CUX1: variants seen among roughly 807,000 people sequenced by gnomAD.
CUX1 encodes protein CASP.
In CUX1, 31 loss-of-function variants were observed where a neutral mutation model predicts 158.8. The observed-to-expected ratio is 0.20, with a 90% CI of 0.15 to 0.26. CUX1 has a LOEUF of 0.26. CUX1 is among the 10% of genes least tolerant of loss of function. The pLI is 1.00. For synonymous variants in CUX1, 879 were observed against 862.1 expected (o/e 1.02, Z -0.34); for missense variants, 1,589 against 2,014.6 (o/e 0.79, Z 4.04).
intron 19 of CUX1, among the ~76,000 whole-genome samples, chr7:102,280,347 A>G (rs1302222977): frequency 6.6e-6 from 1 of 152,144 alleles, no homozygotes; most frequent in Non-Finnish European, 1.5e-5. Flanking sequence ...CTTCAGTGCA[A>G]TGTAGGCCCA....
intron 1 of CUX1, among the ~76,000 whole-genome samples, chr7:101,886,305 T>C (rs1215157060): frequency 6.6e-6 from 1 of 152,148 alleles, no homozygotes; most frequent in East Asian, 1.9e-4. Flanking sequence ...GTGATCTTCC[T>C]ACCCCAGCCT....
In CUX1 at chr7:102,068,686, C is replaced by T. The variant is rs116037422; in HGVS notation, c.190-1653C>T. On this transcript the variant is annotated intron_variant, in intron 3 of 23. Coordinates refer to ENST00000292535, the MANE Select transcript of CUX1 (RefSeq NM_181552.4). ...TCAGGTGAGAGGCCCTGTAATTAAA[C>T]CGCATCCTTTGCCTCTGTAATAACA... 3.6e-3 allele frequency among the ~76,000 whole-genome samples: 549 copies of T among 152,302 alleles called. 3 individuals carry two copies. Among genetic ancestry groups the T allele is most frequent in the African/African-American group, 0.012 (487 of 41,570 alleles).
At chr7:101,941,989 A>G (rs1387582730) in intron 2 of CUX1, among the ~76,000 whole-genome samples, 1 of 152,154 alleles carries the variant, frequency 6.6e-6, no homozygotes, top group African/African-American at 2.4e-5. Flanking sequence ...TGAAACTGCA[A>G]CGTTATCAAA....
chr7:102,217,615 GCGA>G (rs1797370724), intron 20 of CUX1, among the ~76,000 whole-genome samples: 1 of 150,814 alleles, frequency 6.6e-6, no homozygotes. Context: ...CTGGATGGAT[GCGA>G]TGGTGTCTAG....
chr7:102,058,182 T>A (rs1371665119), intron 3 of CUX1, among the ~76,000 whole-genome samples: 8 of 152,246 alleles, frequency 5.3e-5, no homozygotes, highest in Admixed American at 3.9e-4. Flanking sequence ...ACATACTTAA[T>A]AGACTATGAT....
intron 8 of CUX1, among the ~76,000 whole-genome samples, chr7:102,136,368 G>A (rs1346101262): frequency 6.6e-6 from 1 of 150,652 alleles, no homozygotes; most frequent in Non-Finnish European, 1.5e-5. Flanking sequence ...TATTTTTTCT[G>A]TATGCATCTC....
At chr7:102,036,577 A>G (rs1281433597) in intron 3 of CUX1, among the ~76,000 whole-genome samples, 7 of 152,124 alleles carry the variant, frequency 4.6e-5, no homozygotes, top group African/African-American at 9.6e-5. Flanking sequence ...CTTCGTCTCT[A>G]CTAAAAATAC....
chr7:101,846,414 G>A (rs145229967), intron 1 of CUX1, among the ~76,000 whole-genome samples: 348 of 152,196 alleles, frequency 2.3e-3, no homozygotes, highest in Non-Finnish European at 3.7e-3. Flanking sequence ...GACCTCCTGG[G>A]ATCAAGCGAT....
Position 102,216,514 on chromosome 7 carries a change from G to GCGCA in CUX1, c.3131-10852_3131-10851insGCAC, listed in dbSNP as rs1554524561. Among the ~76,000 whole-genome samples, 187 of 101,938 alleles carry GCGCA rather than the reference G, an allele frequency of 1.8e-3. 1 individual carries two copies. Among genetic ancestry groups the GCGCA allele is most frequent in the African/African-American group, 6.5e-3 (181 of 27,752 alleles). The allele number at this position is 101,938 out of a possible 152,430, so 66.9% of individuals were successfully genotyped here. A position where few individuals can be genotyped will look rare whatever the true frequency, so the allele number is the denominator to read the frequency against. ...AAAAAGAGGGCGTGCGTGTGTGCGC[G>GCGCA]CACACACACACTCTCCCCCCCACAC... On this transcript the variant is annotated intron_variant, in intron 20 of 23. Coordinates refer to ENST00000292535, the MANE Select transcript of CUX1 (RefSeq NM_181552.4).
At chr7:101,931,924 C>G (rs1381771181) in intron 2 of CUX1, among the ~76,000 whole-genome samples, 1 of 152,146 alleles carries the variant, frequency 6.6e-6, no homozygotes. Context: ...TTTGGAGAGG[C>G]TTTAGAAGGC....
chr7:102,152,383 TGA>T (rs1229890755), intron 8 of CUX1, among the ~76,000 whole-genome samples: 1 of 151,974 alleles, frequency 6.6e-6, no homozygotes, highest in Non-Finnish European at 1.5e-5. Context: ...CTCAGAAAAA[TGA>T]GTAACAAACA....
chr7:102,242,227 T>TTTC (rs1800310214), intron 23 of CUX1, among the ~76,000 whole-genome samples: 1 of 106,242 alleles, frequency 9.4e-6, no homozygotes, highest in Non-Finnish European at 2.0e-5. Context: ...TTTTTTTTTT[T>TTTC]CTGAGACAGA....
intron 4 of CUX1, among the ~76,000 whole-genome samples, chr7:102,077,099 A>G (rs539472467): frequency 2.0e-5 from 3 of 152,078 alleles, no homozygotes; most frequent in East Asian, 1.9e-4. Context: ...ACTGAATTTT[A>G]GGTGCGATAA....
intron 1 of CUX1, among the ~76,000 whole-genome samples, chr7:101,888,524 A>G (rs1262327630): frequency 6.6e-6 from 1 of 152,198 alleles, no homozygotes; most frequent in Non-Finnish European, 1.5e-5. Flanking sequence ...CCTCATTTGC[A>G]CAAATGAATG....
chr7:101,902,906 C>T (rs949682603), intron 1 of CUX1, among the ~76,000 whole-genome samples: 10 of 152,160 alleles, frequency 6.6e-5, no homozygotes, highest in African/African-American at 2.4e-4. Context: ...CACCACCACA[C>T]CCCTCTGATA....
At chr7:101,821,050 T>C (rs9656070) in intron 1 of CUX1, among the ~76,000 whole-genome samples, 2,290 of 152,280 alleles carry the variant, frequency 0.015, 50 homozygotes, top group African/African-American at 0.052. Flanking sequence ...TGTGTGTGTG[T>C]GCCGATAATG....
rs1183787852 is a variant in CUX1 at position 102,250,071 on chromosome 7, AAAAG to A, written c.*1033_*1036del. ...AAAAAAGAAAAAAAAAGAAAAAAAA[AAAAG>A]AAAAGATCCGAATCTAGGTATTTTA... On this transcript the variant is annotated 3_prime_UTR_variant, in exon 24 of 24. Coordinates refer to ENST00000292535, the MANE Select transcript of CUX1 (RefSeq NM_181552.4). 33 of 985,032 alleles carry A rather than the reference AAAAG, an allele frequency of 3.4e-5. No homozygotes were observed. The highest frequency in any genetic ancestry group is 1.0e-4 in the African/African-American group (6 of 57,206). 61.0% of individuals were successfully genotyped at this position (985,032 alleles called of 1,614,324 possible).
chr7:102,283,235 C>A lies in CUX1; in HGVS notation c.*145C>A, dbSNP rs1466761095. Reference sequence around the variant, plus strand: ...AGCAGCTGCCAGAGGCCCCAGGTCACCTCGGGTCCCCTTGAAAGAATGTCT... The same window carrying A: ...AGCAGCTGCCAGAGGCCCCAGGTCAACTCGGGTCCCCTTGAAAGAATGTCT... On this transcript the variant is annotated 3_prime_UTR_variant, in exon 23 of 23. Coordinates refer to the CUX1 transcript ENST00000292538. 1.2e-5 allele frequency: 8 copies of A among 678,630 alleles called. No homozygotes were observed. The African/African-American group carries it at 1.4e-4, about 12-fold the overall frequency. The allele number at this position is 678,630 out of a possible 1,614,324, so 42.0% of individuals were successfully genotyped here.
chr7:102,240,040 G>A (rs573358109), intron 23 of CUX1, among the ~76,000 whole-genome samples: 64 of 152,060 alleles, frequency 4.2e-4, no homozygotes, highest in African/African-American at 1.4e-3. Flanking sequence ...GAGCCACCAC[G>A]CCTGGCAGTT....
Sources: gnomAD v4.1 joint callset for allele counts (sites outside exome capture counted in the v4.1 genomes callset) on GRCh38, gnomAD v4.1.1 for gene constraint, MANE v1.5 for transcripts, NCBI Gene and HGNC (gene_info 2026-07-23, HGNC 2026-07-21) for gene names.